Variants in CRACD observed in about 807,000 individuals in gnomAD.
CRACD encodes capping protein inhibiting regulator of actin dynamics.
CRACD carries 56 observed loss-of-function variants against 106.8 expected under a neutral mutation model. The ratio of observed to expected loss-of-function variants is 0.52; its 90% confidence interval spans 0.42 to 0.66. The LOEUF (loss-of-function observed/expected upper bound fraction) is 0.66, where lower values mean the gene tolerates loss of function less well. Ranked by LOEUF, CRACD falls within the 30% of genes least tolerant of loss-of-function variation. The pLI, the probability that CRACD is intolerant of heterozygous loss-of-function variation, is 0.00. For missense variants in CRACD, 1,730 were observed against 1,623.2 expected (o/e 1.07, Z -1.13); for synonymous variants, 754 against 670.8 (o/e 1.12, Z -1.92).
At chr4:56,067,986 T>C (rs1214309442) in intron 1 of CRACD, among the ~76,000 whole-genome samples, 1 of 152,232 alleles carries the variant, frequency 6.6e-6, no homozygotes, top group Admixed American at 6.5e-5. Context: ...ATCCTGGAGA[T>C]GTCCTTGCCC....
At position 56,329,556 on chromosome 4, in the gene CRACD, A is replaced by G. The variant is rs1053203413; in HGVS notation, c.*1752A>G. On this transcript the variant is annotated 3_prime_UTR_variant, in exon 11 of 11. Coordinates refer to ENST00000682029, the MANE Select transcript of CRACD (RefSeq NM_001393381.1). ...GCAAGTTGGATTTAATATCATATAT[A>G]CTGGACCTTCAGACTGTTAAAAATC... is the stretch of plus-strand genomic sequence containing the variant. Among the ~76,000 whole-genome samples, 1 of 152,172 alleles carries G rather than the reference A, an allele frequency of 6.6e-6. No homozygotes were observed. Among genetic ancestry groups the G allele is most frequent in the Non-Finnish European group, 1.5e-5 (1 of 68,024 alleles).
At chr4:56,225,513 CT>C (rs1334173741) in intron 2 of CRACD, among the ~76,000 whole-genome samples, 5 of 152,142 alleles carry the variant, frequency 3.3e-5, no homozygotes, top group Admixed American at 3.3e-4. Context: ...GAACCCGTTT[CT>C]TCTTATCTGC....
chr4:56,314,582 G>T lies in CRACD; in HGVS notation c.1080G>T (p.Arg360Ser), dbSNP rs1302664894. Residue 360 changes from arginine to serine, a missense_variant, in exon 8 of 11, where the codon AGG becomes AGT. Around this residue, in one of 5 missense-constraint regions of CRACD, gnomAD observed 1,620 missense variants for 1,481.6 expected, o/e 1.09. Coordinates refer to ENST00000682029, the MANE Select transcript of CRACD (RefSeq NM_001393381.1). This position sits in a 1 kb window ranked among gnomAD's most constrained non-coding sequence, Gnocchi z 4.4. ...GAAGATGCGCGGAGGAGCTCAAAAG[G>T]CAGGAGGAGGAGGAGGCTGAGGGAT... ...EEGRCAEELKRQEEEEAEGWE... is the reference protein window; with the variant it reads ...EEGRCAEELKSQEEEEAEGWE... The T allele has an allele frequency of 6.6e-7, 1 of 1,519,962 alleles. No homozygotes were observed. Among genetic ancestry groups the T allele is most frequent in the East Asian group, 2.5e-5 (1 of 40,658 alleles). 94.2% of individuals were successfully genotyped at this position (1,519,962 alleles called of 1,614,324 possible). A position where few individuals can be genotyped will look rare whatever the true frequency, so the allele number is the denominator to read the frequency against.
chr4:56,103,224 A>G (rs1366880897), intron 1 of CRACD, among the ~76,000 whole-genome samples: 1 of 152,214 alleles, frequency 6.6e-6, no homozygotes, highest in Non-Finnish European at 1.5e-5. Flanking sequence ...ATTCTTCAGG[A>G]AAAGAACAGT....
chr4:56,209,150 ATGTC>A (rs982080728), intron 2 of CRACD, among the ~76,000 whole-genome samples: 13 of 152,202 alleles, frequency 8.5e-5, no homozygotes, highest in Non-Finnish European at 1.5e-4. Context: ...AACTCATTCA[ATGTC>A]AGTCAGCTTT....
intron 2 of CRACD, among the ~76,000 whole-genome samples, chr4:56,185,332 C>A (rs1302179708): frequency 6.6e-6 from 1 of 152,078 alleles, no homozygotes; most frequent in African/African-American, 2.4e-5. Flanking sequence ...TTCATCACCC[C>A]AAAATAAAAC....
intron 1 of CRACD, among the ~76,000 whole-genome samples, chr4:56,136,599 T>C (rs1299296341): frequency 6.6e-6 from 1 of 152,190 alleles, no homozygotes; most frequent in Non-Finnish European, 1.5e-5. Flanking sequence ...TACTGGGTGC[T>C]TTGATTTTTT....
Position 56,330,239 on chromosome 4 carries a change from A to G in CRACD, c.*2435A>G, listed in dbSNP as rs1238941571. Among the ~76,000 whole-genome samples, 1 of 151,502 alleles carries G rather than the reference A, an allele frequency of 6.6e-6. No individual in the cohort carries two copies. The highest frequency in any genetic ancestry group is 2.4e-5 in the African/African-American group (1 of 41,204). On this transcript the variant is annotated 3_prime_UTR_variant, in exon 11 of 11. Coordinates refer to ENST00000682029, the MANE Select transcript of CRACD (RefSeq NM_001393381.1). Reference sequence around the variant, plus strand: ...AACATACACTTCTCCTGGCAAGGTTATAGATGATTAACCTCTGTTCATAGA... The same window carrying G: ...AACATACACTTCTCCTGGCAAGGTTGTAGATGATTAACCTCTGTTCATAGA...
chr4:56,294,126 T>C (rs927351089), intron 3 of CRACD, among the ~76,000 whole-genome samples: 6 of 151,800 alleles, frequency 4.0e-5, no homozygotes, highest in Non-Finnish European at 8.8e-5. Context: ...CTTGGGAGAC[T>C]GAGGCAGGAG....
Position 56,314,005 on chromosome 4 carries a change from C to G in CRACD, c.538-35C>G. On this transcript the variant is annotated intron_variant, in intron 7 of 10. Transcript: ENST00000682029. This position sits in a 1 kb window ranked among gnomAD's most constrained non-coding sequence, Gnocchi z 4.4. ...AAGGAACGACTGTGGGTGGAGAAAG[C>G]AAAAGGCTAATTGTGTTTTCCTTTC... 6.3e-7 allele frequency: 1 copy of G among 1,590,770 alleles called. No homozygotes were observed. The highest frequency in any genetic ancestry group is 8.6e-7 in the Non-Finnish European group (1 of 1,167,860).
intron 1 of CRACD, among the ~76,000 whole-genome samples, chr4:56,154,395 G>A (rs1735698167): frequency 6.6e-6 from 1 of 152,150 alleles, no homozygotes; most frequent in Admixed American, 6.6e-5. Context: ...AAGCCCAGGA[G>A]GCAGAGGCTG....
chr4:56,117,245 T>A (rs1258367157), intron 1 of CRACD, among the ~76,000 whole-genome samples: 1 of 151,940 alleles, frequency 6.6e-6, no homozygotes, highest in African/African-American at 2.4e-5. Context: ...ATGGTCTCTA[T>A]CTCCTGACCT....
chr4:56,063,432 T>C (rs1198487950), intron 1 of CRACD, among the ~76,000 whole-genome samples: 1 of 152,212 alleles, frequency 6.6e-6, no homozygotes, highest in East Asian at 1.9e-4. Context: ...GGACAGTTCA[T>C]TGGCATTAAG....
chr4:56,190,736 G>A (rs553650021), intron 2 of CRACD, among the ~76,000 whole-genome samples: 4 of 152,162 alleles, frequency 2.6e-5, no homozygotes, highest in African/African-American at 4.8e-5. Context: ...AGCTGTCTGC[G>A]GATCTACTAT....
At chr4:56,105,263 C>G (rs1733912609) in intron 1 of CRACD, among the ~76,000 whole-genome samples, 3 of 152,162 alleles carry the variant, frequency 2.0e-5, no homozygotes, top group Admixed American at 2.0e-4. Context: ...CTGTGGGAGG[C>G]CAAGGCGGGT....
At chr4:56,082,245 G>T (rs1377503942) in intron 1 of CRACD, among the ~76,000 whole-genome samples, 1 of 152,076 alleles carries the variant, frequency 6.6e-6, no homozygotes. Context: ...CAGACAGAGG[G>T]GTGGACCATG....
chr4:56,219,638 G>A (rs963603746), intron 2 of CRACD, among the ~76,000 whole-genome samples: 1 of 152,180 alleles, frequency 6.6e-6, no homozygotes, highest in African/African-American at 2.4e-5. Flanking sequence ...TTACAGGGGT[G>A]AGGTACCATG....
intron 2 of CRACD, among the ~76,000 whole-genome samples, chr4:56,251,747 G>A (rs1042983239): frequency 2.5e-4 from 38 of 152,146 alleles, no homozygotes; most frequent in Non-Finnish European, 4.6e-4. Flanking sequence ...TTATTTAATC[G>A]CTCTGGCAGC....
chr4:56,201,008 A>G (rs1410457342), intron 2 of CRACD, among the ~76,000 whole-genome samples: 1 of 152,216 alleles, frequency 6.6e-6, no homozygotes, highest in Middle Eastern at 3.2e-3. Flanking sequence ...AAAAATACTG[A>G]TTTCTAAAAC....
Sources: allele counts gnomAD v4.1 joint callset (sites outside exome capture counted in the v4.1 genomes callset), GRCh38; gene constraint gnomAD v4.1.1; regional missense constraint gnomAD v4.1.1; non-coding constraint Gnocchi (gnomAD v3.1); transcripts MANE v1.5; gene names NCBI Gene and HGNC (gene_info 2026-07-23, HGNC 2026-07-21).